Variants in TAB3 observed in about 807,000 individuals in gnomAD.
The protein encoded by TAB3 is TGF-beta-activated kinase 1 and MAP3K7-binding protein 3.
TAB3 carries 18 observed loss-of-function variants against 48.1 expected under a neutral mutation model. The ratio of observed to expected loss-of-function variants is 0.37; its 90% CI spans 0.26 to 0.55. The LOEUF is 0.55. Among genes scored for constraint, TAB3 ranks in the 20% least tolerant of loss-of-function variants. The pLI, the probability that TAB3 is intolerant of heterozygous loss-of-function variation, is 0.78. For missense variants in TAB3, 414 were observed against 549.8 expected, an observed-to-expected ratio of 0.75 and a Z score of 2.47; for synonymous variants, 185 against 190.2, an observed-to-expected ratio of 0.97 and a Z score of 0.22.
At chrX:30,858,476 C>A (rs1172325740) in intron 5 of TAB3, among the ~76,000 whole-genome samples, 11 of 111,757 alleles carry the variant, frequency 9.8e-5, no homozygotes, top group Non-Finnish European at 1.7e-4. Context: ...AAAGGGCTTG[C>A]AAACAAAGGA....
chrX:30,845,912 G>A, intron 8 of TAB3: 1 of 890,098 alleles, frequency 1.1e-6, no homozygotes, highest in Non-Finnish European at 1.4e-6. Context: ...CAACCGATGG[G>A]AGCAATATTC....
chrX:30,854,343 G>A lies in TAB3; in HGVS notation c.1322C>T (p.Pro441Leu). The A allele has an allele frequency of 8.3e-7, 1 of 1,211,558 alleles. No individual in the cohort carries two copies. ...TGGTATCACTCGAGGAGATGGTGAT[G>A]GAGTACAAGAAGGTCCAGTTGGCTG... is the stretch of plus-strand genomic sequence containing the variant. ...YTQPTGPSCT[P>L]SPSPRVIPNP... Residue 441 changes from proline (P) to leucine (L), a missense_variant, in exon 6 of 11, where the codon CCA (proline) becomes CTA (leucine). Coordinates refer to ENST00000288422, the MANE Select transcript of TAB3 (RefSeq NM_152787.5).
chrX:30,865,252 C>A (rs1274625802), intron 4 of TAB3, among the ~76,000 whole-genome samples: 2 of 112,161 alleles, frequency 1.8e-5, no homozygotes, highest in Non-Finnish European at 3.8e-5. Flanking sequence ...TCTAGAGAGG[C>A]AATACTTTCT....
intron 4 of TAB3, among the ~76,000 whole-genome samples, chrX:30,865,195 G>A (rs757471545): frequency 8.9e-6 from 1 of 112,094 alleles, no homozygotes; most frequent in African/African-American, 3.2e-5. Flanking sequence ...AAGGTATTTA[G>A]CATTCTGGCC....
intron 5 of TAB3, among the ~76,000 whole-genome samples, chrX:30,858,799 CCT>C (rs1236828573): frequency 9.0e-6 from 1 of 111,483 alleles, no homozygotes; most frequent in Non-Finnish European, 1.9e-5. Flanking sequence ...TTTGTTGTCC[CCT>C]GAGTGGGAAA....
intron 9 of TAB3, among the ~76,000 whole-genome samples, chrX:30,842,261 T>G (rs1183831136): frequency 1.8e-5 from 2 of 112,218 alleles, no homozygotes; most frequent in African/African-American, 6.5e-5. Context: ...GGAAAATACC[T>G]AGTCGCTACC....
Position 30,886,036 on chromosome X carries a change from G to C in TAB3, c.-383+3078C>G, listed in dbSNP as rs138973042. On this transcript the variant is annotated intron_variant, in intron 1 of 10. Transcript: ENST00000288422. ...AAATTTGAAGCAGGGAGGGAAGTAG[G>C]ATGTTAGAGTTGGACAAATAGAACT... Among the ~76,000 whole-genome samples, 245 of 111,916 alleles carry C rather than the reference G, an allele frequency of 2.2e-3. 3 individuals are homozygous for C. Among genetic ancestry groups the C allele is most frequent in the African/African-American group, 7.5e-3 (231 of 30,732 alleles).
At chrX:30,853,228 CCTT>C (rs898088425) in intron 6 of TAB3, among the ~76,000 whole-genome samples, 1 of 112,135 alleles carries the variant, frequency 8.9e-6, no homozygotes, top group Non-Finnish European at 1.9e-5. Flanking sequence ...TAATTACTTC[CCTT>C]CTTATATACT....
intron 5 of TAB3, among the ~76,000 whole-genome samples, chrX:30,858,157 T>C: frequency 8.9e-6 from 1 of 112,309 alleles, no homozygotes; most frequent in South Asian, 3.7e-4. Flanking sequence ...TGAGCTGAAT[T>C]TGAAGTTCTA....
intron 1 of TAB3, among the ~76,000 whole-genome samples, chrX:30,874,895 T>C (rs1430490092): frequency 8.9e-6 from 1 of 111,828 alleles, no homozygotes; most frequent in Non-Finnish European, 1.9e-5. Flanking sequence ...CTTTTAGAAC[T>C]GGAAAAATTG....
rs1938020469 is a variant in TAB3 at position 30,831,180 on chromosome X, A to G, written c.*247T>C. The stretch of plus-strand genomic sequence containing the variant: ...CTTCTGTGTGTACATTCTTTCACAG[A>G]GTGAATCCTTTCCCAGTTTCAAGTA... On this transcript the variant is annotated 3_prime_UTR_variant, in exon 11 of 11. Transcript: ENST00000288422. 13 of 314,720 alleles carry G rather than the reference A, an allele frequency of 4.1e-5. No individual in the cohort carries two copies. In the East Asian group the frequency reaches 6.1e-4, roughly 15 times the overall value. The allele number at this position is 314,720 out of a possible 1,213,427, so 25.9% of individuals were successfully genotyped here.
At chrX:30,861,269 T>A (rs920366942) in intron 4 of TAB3, among the ~76,000 whole-genome samples, 1 of 111,376 alleles carries the variant, frequency 9.0e-6, no homozygotes, top group African/African-American at 3.3e-5. Flanking sequence ...ACTAAACCAG[T>A]CTACCTAATA....
At chrX:30,853,418 TATTA>T (rs1365335791) in intron 6 of TAB3, among the ~76,000 whole-genome samples, 1 of 112,546 alleles carries the variant, frequency 8.9e-6, no homozygotes, top group Non-Finnish European at 1.9e-5. Flanking sequence ...ACTTCTTATA[TATTA>T]TTTATATGTA....
At chrX:30,875,480 T>C (rs1939801663) in intron 1 of TAB3, among the ~76,000 whole-genome samples, 1 of 111,688 alleles carries the variant, frequency 9.0e-6, no homozygotes, top group South Asian at 3.7e-4. Context: ...CTGCCTTTTT[T>C]TTTTTTCCTA....
rs1440251703 is a variant in TAB3 at position 30,878,206 on chromosome X, C to G, written c.-382-6405G>C. 2.7e-5 allele frequency among the ~76,000 whole-genome samples: 3 copies of G among 111,785 alleles called. No homozygotes were observed. The Admixed American group carries it at 2.8e-4, about 11-fold the overall frequency. The stretch of plus-strand genomic sequence containing the variant: ...CTCAGGGGCAAATATTAAGACACCT[C>G]TTGGCTGGGTGTGGTGGCTCATGCC... On this transcript the variant is annotated intron_variant, in intron 1 of 10. Transcript: ENST00000288422.
At chrX:30,878,515 A>AT (rs1939905993) in intron 1 of TAB3, among the ~76,000 whole-genome samples, 1 of 85,245 alleles carries the variant, frequency 1.2e-5, no homozygotes. Context: ...AAAAAAAAAA[A>AT]AAAAGAAAGA....
At chrX:30,876,039 G>A (rs1939821144) in intron 1 of TAB3, among the ~76,000 whole-genome samples, 1 of 112,033 alleles carries the variant, frequency 8.9e-6, no homozygotes, top group Non-Finnish European at 1.9e-5. Context: ...AAGGACAAAA[G>A]GGAAAATCCT....
chrX:30,838,426 T>C (rs1027776078), intron 9 of TAB3, among the ~76,000 whole-genome samples: 15 of 112,192 alleles, frequency 1.3e-4, no homozygotes, highest in Admixed American at 4.7e-4. Context: ...AATGCTAGGT[T>C]TACAGGTGTG....
rs147720934 is a variant in TAB3 at position 30,856,793 on chromosome X, A to G, written c.103-1231T>C. 6.4e-3 allele frequency among the ~76,000 whole-genome samples: 714 copies of G among 111,795 alleles called. 7 individuals carry two copies. The highest frequency in any genetic ancestry group is 0.022 in the African/African-American group (672 of 30,830). ...TATTAGAGTTCATCTGCTCCAATTC[A>G]ACGCACATTTACAGATGAGGAAAAA... On this transcript the variant is annotated intron_variant, in intron 5 of 10. Transcript: ENST00000288422.
Sources: gnomAD v4.1 joint callset for allele counts (sites outside exome capture counted in the v4.1 genomes callset) on GRCh38, gnomAD v4.1.1 for gene constraint, MANE v1.5 for transcripts, NCBI Gene and HGNC (gene_info 2026-07-23, HGNC 2026-07-21) for gene names.